Variants in PDE4D observed in about 807,000 individuals in gnomAD.
The protein encoded by PDE4D is phosphodiesterase 4D, also known as 3',5'-cyclic-AMP phosphodiesterase 4D.
In PDE4D, 24 loss-of-function variants were observed where a neutral mutation model predicts 87.4. The ratio of observed to expected loss-of-function variants is 0.27; its 90% CI spans 0.20 to 0.39. The LOEUF is 0.39. Ranked by LOEUF, PDE4D falls within the 10% of genes least tolerant of loss-of-function variation. PDE4D has a pLI of 1.00. For synonymous variants in PDE4D, 384 were observed against 383.2 expected (o/e 1.00, Z -0.02); for missense variants, 714 against 1,041.0 (o/e 0.69, Z 4.32).
intron 3 of PDE4D, among the ~76,000 whole-genome samples, chr5:59,189,049 C>G (rs1320452818): frequency 6.6e-6 from 1 of 152,152 alleles, no homozygotes; most frequent in South Asian, 2.1e-4. Flanking sequence ...GCCACAAGAT[C>G]GTTGCTGCTG....
intron 2 of PDE4D, among the ~76,000 whole-genome samples, chr5:60,079,306 G>A (rs1265962213): frequency 2.3e-5 from 3 of 131,986 alleles, no homozygotes; most frequent in Non-Finnish European, 4.9e-5. Context: ...AGGCAGATAG[G>A]AAAAATTTTC....
At chr5:60,283,275 T>C (rs746437037) in intron 1 of PDE4D, among the ~76,000 whole-genome samples, 11 of 152,328 alleles carry the variant, frequency 7.2e-5, no homozygotes, top group African/African-American at 9.6e-5. Flanking sequence ...TATTTTGTCA[T>C]AGATATTTTT....
intron 1 of PDE4D, among the ~76,000 whole-genome samples, chr5:60,414,507 A>G (rs1742319902): frequency 6.6e-6 from 1 of 152,234 alleles, no homozygotes; most frequent in African/African-American, 2.4e-5. Context: ...TGGACCTATT[A>G]TAAAAATTCT....
intron 1 of PDE4D, among the ~76,000 whole-genome samples, chr5:59,630,432 C>T (rs1831420008): frequency 6.6e-6 from 1 of 152,134 alleles, no homozygotes; most frequent in Non-Finnish European, 1.5e-5. Context: ...AGACCCTCAC[C>T]TTCATCAAAG....
chr5:58,972,202 CT>C lies in PDE4D; in HGVS notation c.*2461del, dbSNP rs749651668. ...TGGAAAGAGGAATAAACTCTAGACT[CT>C]TTACCTTTCTTTCTAGACTTCACTC... On this transcript the variant is annotated 3_prime_UTR_variant, in exon 15 of 15. Transcript: ENST00000340635. 6 of 152,480 alleles carry C rather than the reference CT, an allele frequency of 3.9e-5. No individual in the cohort carries two copies. The highest frequency in any genetic ancestry group is 7.4e-5 in the Non-Finnish European group (5 of 67,976). The allele number at this position is 152,480 out of a possible 1,614,324, so 9.4% of individuals were successfully genotyped here.
intron 1 of PDE4D, among the ~76,000 whole-genome samples, chr5:59,323,444 C>A (rs184722045): frequency 2.6e-5 from 4 of 152,028 alleles, no homozygotes; most frequent in African/African-American, 9.7e-5. Flanking sequence ...ACAGAATAAG[C>A]CCTTCATTAG....
intron 5 of PDE4D, among the ~76,000 whole-genome samples, chr5:59,172,253 T>C (rs1168924120): frequency 2.5e-5 from 3 of 121,652 alleles, no homozygotes; most frequent in African/African-American, 9.7e-5. Context: ...TAATATATAA[T>C]AAATATATAT....
intron 1 of PDE4D, among the ~76,000 whole-genome samples, chr5:59,656,341 G>A (rs1468935875): frequency 5.9e-5 from 9 of 152,138 alleles, no homozygotes; most frequent in South Asian, 4.1e-4. Context: ...AGATTACAAC[G>A]TATTGGACCA....
At chr5:59,732,439 C>G (rs1309682726) in intron 1 of PDE4D, among the ~76,000 whole-genome samples, 5 of 151,620 alleles carry the variant, frequency 3.3e-5, no homozygotes, top group African/African-American at 1.2e-4. Context: ...CACTCACGCA[C>G]AGAGAGAAAG....
chr5:59,886,836 A>G (rs1750227878), intron 1 of PDE4D, among the ~76,000 whole-genome samples: 2 of 152,220 alleles, frequency 1.3e-5, no homozygotes, highest in Non-Finnish European at 2.9e-5. Context: ...TGAAGAGTCA[A>G]ACTAAGAAAT....
At chr5:59,063,079 T>C (rs893308496) in intron 5 of PDE4D, 1 of 152,198 alleles carries the variant, frequency 6.6e-6, no homozygotes, top group Non-Finnish European at 1.5e-5. Context: ...CCTTTTGTCC[T>C]TTCAGATTTG....
At chr5:60,447,898 T>C (rs573233395) in intron 1 of PDE4D, among the ~76,000 whole-genome samples, 2 of 152,314 alleles carry the variant, frequency 1.3e-5, no homozygotes, top group African/African-American at 4.8e-5. Context: ...GTATCTATCT[T>C]ACTGGCCACA....
chr5:59,300,201 A>T (rs1373030386), intron 1 of PDE4D, among the ~76,000 whole-genome samples: 2 of 150,714 alleles, frequency 1.3e-5, no homozygotes, highest in Non-Finnish European at 2.9e-5. Flanking sequence ...TTATTATTTC[A>T]TGTGTGTATT....
At chr5:59,161,377 G>A (rs1373613311) in intron 5 of PDE4D, among the ~76,000 whole-genome samples, 2 of 152,150 alleles carry the variant, frequency 1.3e-5, no homozygotes, top group African/African-American at 4.8e-5. Flanking sequence ...TTGGGGGAGG[G>A]CTTCGAGGTC....
chr5:60,431,674 A>G (rs1049643167), intron 1 of PDE4D, among the ~76,000 whole-genome samples: 1 of 151,846 alleles, frequency 6.6e-6, no homozygotes, highest in African/African-American at 2.4e-5. Context: ...ACGGGGTGGC[A>G]GCCGGGCAGA....
At position 60,337,374 on chromosome 5, in the gene PDE4D, T is replaced by C. The variant is rs1412377326; in HGVS notation, c.-90+150568A>G. 3.3e-4 allele frequency among the ~76,000 whole-genome samples: 39 copies of C among 118,130 alleles called. 3 individuals are homozygous for C. Among genetic ancestry groups the C allele is most frequent in the African/African-American group, 1.3e-3 (39 of 29,194 alleles). The allele number at this position is 118,130 out of a possible 152,430, so 77.5% of individuals were successfully genotyped here. On this transcript the variant is annotated intron_variant, in intron 1 of 16. Transcript: ENST00000502484. ...AACTATATATATATATATATATATA[T>C]ATATATATATATATACACACACACA...
chr5:59,569,429 A>G (rs913716779), intron 1 of PDE4D, among the ~76,000 whole-genome samples: 1 of 152,216 alleles, frequency 6.6e-6, no homozygotes, highest in Non-Finnish European at 1.5e-5. Context: ...AAAAACCACA[A>G]GGCAAAAAGT....
chr5:59,496,709 G>C (rs944339096), intron 1 of PDE4D, among the ~76,000 whole-genome samples: 1 of 152,118 alleles, frequency 6.6e-6, no homozygotes, highest in African/African-American at 2.4e-5. Context: ...CCACTGAAGG[G>C]GGCGCCACCA....
intron 1 of PDE4D, among the ~76,000 whole-genome samples, chr5:60,276,321 T>C (rs558796712): frequency 1.3e-5 from 2 of 152,206 alleles, no homozygotes; most frequent in Non-Finnish European, 2.9e-5. Flanking sequence ...TGCATATGCA[T>C]TTAAGATTGC....
Sources: allele counts gnomAD v4.1 joint callset (sites outside exome capture counted in the v4.1 genomes callset), GRCh38; gene constraint gnomAD v4.1.1; transcripts MANE v1.5; gene names NCBI Gene and HGNC (gene_info 2026-07-23, HGNC 2026-07-21).